The following LGI1 variants were observed in gnomAD, a reference collection of about 807,000 sequenced individuals.
LGI1 encodes leucine rich glioma inactivated 1.
In LGI1, 11 loss-of-function variants were observed where a neutral mutation model predicts 57.7. The observed-to-expected ratio is 0.19, with a 90% CI of 0.12 to 0.32. The LOEUF is 0.32. Ranked by LOEUF, LGI1 falls within the 10% of genes least tolerant of loss-of-function variation. The pLI, the probability that LGI1 is intolerant of heterozygous loss-of-function variation, is 1.00. For synonymous variants in LGI1, 222 were observed against 241.9 expected, an observed-to-expected ratio of 0.92 and a Z score of 0.76; for missense variants, 422 against 661.9, an observed-to-expected ratio of 0.64 and a Z score of 3.98.
chr10:93,776,999 T>C (rs1235822723), intron 2 of LGI1: 2 of 260,056 alleles, frequency 7.7e-6, no homozygotes, highest in Non-Finnish European at 7.4e-6. Context: ...ACCATTGTTT[T>C]TGCCAGTTAG....
chr10:93,787,139 C>T (rs957506370), intron 4 of LGI1, among the ~76,000 whole-genome samples: 1 of 152,164 alleles, frequency 6.6e-6, no homozygotes, highest in Non-Finnish European at 1.5e-5. Flanking sequence ...ATCCAGGCAG[C>T]CTTCTCATGC....
intron 4 of LGI1, among the ~76,000 whole-genome samples, chr10:93,783,478 C>A (rs2059867592): frequency 6.6e-6 from 1 of 152,162 alleles, no homozygotes; most frequent in South Asian, 2.1e-4. Context: ...CTTTAAAGAG[C>A]CTCCACGTTG....
chr10:93,789,911 G>A (rs1014103985), intron 4 of LGI1, 188 bp from the exon 5 acceptor site: 1 of 595,340 alleles, frequency 1.7e-6, no homozygotes. Context: ...GGGTGTTGAA[G>A]TGAACAGGTT....
intron 2 of LGI1, among the ~76,000 whole-genome samples, chr10:93,772,401 T>C (rs2059750362): frequency 6.6e-6 from 1 of 152,018 alleles, no homozygotes. Flanking sequence ...TAAGTAGAGA[T>C]AGGAAAAATA....
At chr10:93,761,418 C>G (rs7093815) in intron 2 of LGI1, among the ~76,000 whole-genome samples, 2 of 152,120 alleles carry the variant, frequency 1.3e-5, no homozygotes, top group Non-Finnish European at 2.9e-5. Flanking sequence ...GAAGACAGTT[C>G]GTTGGTTTCT....
At chr10:93,763,555 G>A (rs1299914993) in intron 2 of LGI1, 1 of 152,188 alleles carries the variant, frequency 6.6e-6, no homozygotes, top group Non-Finnish European at 1.5e-5. Context: ...GAAGACTCCT[G>A]TGTTACTCTC....
chr10:93,764,623 T>C (rs1589751829), intron 2 of LGI1: 1 of 152,238 alleles, frequency 6.6e-6, no homozygotes, highest in African/African-American at 2.4e-5. Context: ...ATCCCCACTC[T>C]GCTTCTTCCT....
At chr10:93,783,868 C>T (rs540879426) in intron 4 of LGI1, among the ~76,000 whole-genome samples, 1 of 151,958 alleles carries the variant, frequency 6.6e-6, no homozygotes, top group Non-Finnish European at 1.5e-5. Context: ...AAAAATTAGC[C>T]GGGCATGGTG....
chr10:93,775,174 G>A (rs567090868), intron 2 of LGI1, among the ~76,000 whole-genome samples: 1 of 152,060 alleles, frequency 6.6e-6, no homozygotes, highest in Non-Finnish European at 1.5e-5. Flanking sequence ...CCAGCACCCA[G>A]GTCAAGAAAC....
chr10:93,792,875 T>C lies in LGI1; in HGVS notation c.636T>C (p.Asn212=). The change falls in exon 6 of 8, where the codon AAT becomes AAC. Residue 212 remains asparagine, a synonymous_variant. Transcript: ENST00000371418. ...GPPEYKKRKI[N]SLSSKDFDCI... is the part of the protein sequence containing the mutation. ...CAGAATACAAGAAGCGCAAAATCAATAGTCTCTCCTCGAAGGATTTTGATT... is the reference window on the plus strand; with the variant it reads ...CAGAATACAAGAAGCGCAAAATCAACAGTCTCTCCTCGAAGGATTTTGATT... 6.2e-6 allele frequency: 10 copies of C among 1,614,034 alleles called. No homozygotes were observed. The highest frequency in any genetic ancestry group is 7.6e-6 in the Non-Finnish European group (9 of 1,179,976).
chr10:93,797,242 A>G lies in LGI1; in HGVS notation c.1113A>G (p.Gln371=). 1 of 1,614,160 alleles carries G rather than the reference A, an allele frequency of 6.2e-7. No homozygotes were observed. The highest frequency in any genetic ancestry group is 2.2e-5 in the East Asian group (1 of 44,884). The change falls in exon 8 of 8, where the codon CAA becomes CAG. Residue 371 remains glutamine (Q), a synonymous_variant. Transcript: ENST00000371418. The surrounding 1 kb of genome is among the most constrained non-coding windows in gnomAD (Gnocchi z 6.5). The part of the protein sequence containing the change: ...KWNGNGFYSH[Q]SLHAWYRDTD... ...ACGGAAACGGATTCTACTCCCATCA[A>G]TCCTTACACGCGTGGTACAGGGACA...
At chr10:93,783,410 A>G (rs2059866856) in intron 4 of LGI1, among the ~76,000 whole-genome samples, 2 of 152,050 alleles carry the variant, frequency 1.3e-5, no homozygotes, top group Admixed American at 1.3e-4. Context: ...AAATAAAAGA[A>G]TGTTTCTTAG....
intron 5 of LGI1, 35 bp from the exon 6 acceptor site, chr10:93,792,707 CT>C: frequency 6.2e-7 from 1 of 1,610,252 alleles, no homozygotes; most frequent in South Asian, 1.1e-5. Flanking sequence ...GGGTAGGGCC[CT>C]TGTACAGCAA....
chr10:93,783,036 G>A (rs970922548), intron 4 of LGI1: 1 of 152,248 alleles, frequency 6.6e-6, no homozygotes, highest in Non-Finnish European at 1.5e-5. Context: ...TACTCAGCCA[G>A]TTTCAAGGTA....
At chr10:93,764,270 G>C (rs1392667228) in intron 2 of LGI1, 1 of 152,164 alleles carries the variant, frequency 6.6e-6, no homozygotes. Flanking sequence ...TATGTAAGTA[G>C]AGATGAGGTC....
rs773989129 is a variant in LGI1, at chr10:93,758,217, C to T, written c.73C>T (p.Leu25Phe). 4 of 1,614,154 alleles carry T rather than the reference C, an allele frequency of 2.5e-6. No individual in the cohort carries two copies. The highest frequency in any genetic ancestry group is 2.2e-5 in the South Asian group (2 of 91,080). The change falls in exon 1 of 8, where the codon CTC becomes TTC. Residue 25 changes from leucine (L) to phenylalanine (F), a missense_variant. Coordinates refer to ENST00000371418, the MANE Select transcript of LGI1 (RefSeq NM_005097.4). The surrounding 1 kb of genome is among the most constrained non-coding windows in gnomAD (Gnocchi z 4.7). Reference protein sequence around the residue: ...PLKRIAYFLCLLSALLLTEGK... With the variant: ...PLKRIAYFLCFLSALLLTEGK... ...GAAAAGAATTGCTTATTTCCTATGT[C>T]TCTTATCTGCGCTTTTGCTGACTGA...
intron 2 of LGI1, chr10:93,763,758 G>A (rs747200828): frequency 6.6e-6 from 1 of 152,040 alleles, no homozygotes; most frequent in Non-Finnish European, 1.5e-5. Context: ...CAAAGGCAAA[G>A]CATCTAAGCC....
At chr10:93,767,241 TAGAG>T (rs148613256) in intron 2 of LGI1, 5 of 151,934 alleles carry the variant, frequency 3.3e-5, no homozygotes, top group Admixed American at 6.6e-5. Context: ...TAAACAAAAA[TAGAG>T]AGAAAGAAAA....
intron 2 of LGI1, chr10:93,769,041 T>G (rs1360001055): frequency 6.6e-6 from 1 of 152,262 alleles, no homozygotes; most frequent in African/African-American, 2.4e-5. Flanking sequence ...TAGGAGCATA[T>G]TTTTAAATAT....
Sources: gnomAD v4.1 joint callset for allele counts (sites outside exome capture counted in the v4.1 genomes callset) on GRCh38, gnomAD v4.1.1 for gene constraint, Gnocchi (gnomAD v3.1) non-coding constraint, MANE v1.5 for transcripts, NCBI Gene and HGNC (gene_info 2026-07-23, HGNC 2026-07-21) for gene names.